The following KCNIP4 variants were observed in gnomAD, a reference collection of about 807,000 sequenced individuals.
KCNIP4 encodes the protein potassium voltage-gated channel interacting protein 4.
A neutral mutation model predicts 34.0 loss-of-function variants in KCNIP4; 12 were observed. The observed-to-expected ratio is 0.35, with a 90% CI of 0.23 to 0.57. The LOEUF (loss-of-function observed/expected upper bound fraction) is 0.57, where lower values mean the gene tolerates loss of function less well. Among genes scored for constraint, KCNIP4 ranks in the 20% least tolerant of loss-of-function variants. The pLI is 0.83. For synonymous variants in KCNIP4, 124 were observed against 102.2 expected (o/e 1.21, Z -1.29); for missense variants, 238 against 311.7 (o/e 0.76, Z 1.78).
intron 1 of KCNIP4, among the ~76,000 whole-genome samples, chr4:21,703,600 G>A (rs1713034216): frequency 6.6e-6 from 1 of 152,034 alleles, no homozygotes; most frequent in Non-Finnish European, 1.5e-5. Context: ...TGTTGTACTA[G>A]CAATGAACAT....
At chr4:21,624,986 A>G (rs1467688874) in intron 1 of KCNIP4, among the ~76,000 whole-genome samples, 2 of 152,198 alleles carry the variant, frequency 1.3e-5, no homozygotes, top group South Asian at 2.1e-4. Context: ...CTATGTTCAT[A>G]TTAGACATGG....
At chr4:21,157,113 A>T (rs9993061) in intron 1 of KCNIP4, among the ~76,000 whole-genome samples, 99,568 of 151,884 alleles carry the variant, frequency 0.66, 33,152 homozygotes, top group African/African-American at 0.77. Context: ...GCTTCGTTTT[A>T]CTCTCTGCAA....
At chr4:21,736,231 A>T (rs1560676018) in intron 1 of KCNIP4, among the ~76,000 whole-genome samples, 2 of 152,050 alleles carry the variant, frequency 1.3e-5, no homozygotes, top group Admixed American at 1.3e-4. Context: ...TTTGGGGGTT[A>T]CTCATCACTC....
chr4:21,519,530 GTGTATGTGTATATACACA>G (rs1735191720), intron 1 of KCNIP4, among the ~76,000 whole-genome samples: 1 of 38,340 alleles, frequency 2.6e-5, no homozygotes, highest in African/African-American at 1.2e-4. Context: ...ATGTGTGTAT[GTGTATGTGTATATACACA>G]TATGTGTGTA....
intron 1 of KCNIP4, among the ~76,000 whole-genome samples, chr4:21,010,111 T>C (rs866003593): frequency 3.9e-5 from 6 of 152,164 alleles, no homozygotes; most frequent in Non-Finnish European, 5.9e-5. Context: ...AGGTTAGGAC[T>C]TCAACAGTAG....
At chr4:21,523,045 G>A (rs550151732) in intron 1 of KCNIP4, among the ~76,000 whole-genome samples, 1 of 151,828 alleles carries the variant, frequency 6.6e-6, no homozygotes, top group Non-Finnish European at 1.5e-5. Context: ...AAAAAAAAAG[G>A]GGGGGACACT....
intron 1 of KCNIP4, among the ~76,000 whole-genome samples, chr4:21,324,995 T>C (rs1714889231): frequency 6.6e-6 from 1 of 151,926 alleles, no homozygotes; most frequent in East Asian, 1.9e-4. Flanking sequence ...TTCCTAGGTA[T>C]TTGATTTTAT....
At chr4:21,501,274 ATG>A (rs143197242) in intron 1 of KCNIP4, among the ~76,000 whole-genome samples, 2,900 of 148,424 alleles carry the variant, frequency 0.02, 91 homozygotes, top group East Asian at 0.12. Context: ...ACACACACAC[ATG>A]CCATGTCCTA....
intron 1 of KCNIP4, among the ~76,000 whole-genome samples, chr4:21,737,292 T>C (rs1253462149): frequency 2.0e-5 from 3 of 152,318 alleles, no homozygotes; most frequent in Non-Finnish European, 4.4e-5. Context: ...GTTTTTCTAG[T>C]ATTTCTCAAT....
At chr4:20,955,532 G>C (rs10011942) in intron 1 of KCNIP4, among the ~76,000 whole-genome samples, 132,082 of 152,100 alleles carry the variant, frequency 0.87, 57,485 homozygotes, top group Middle Eastern at 0.89. Context: ...CTGATTGATG[G>C]TGGGGCCACT....
chr4:20,749,431 A>T (rs1753159625), intron 5 of KCNIP4, among the ~76,000 whole-genome samples: 1 of 152,176 alleles, frequency 6.6e-6, no homozygotes, highest in Non-Finnish European at 1.5e-5. Flanking sequence ...GTAATTGAAG[A>T]AGTGGACTCT....
intron 1 of KCNIP4, among the ~76,000 whole-genome samples, chr4:21,700,319 G>A (rs967220998): frequency 3.9e-5 from 6 of 152,204 alleles, no homozygotes; most frequent in Non-Finnish European, 8.8e-5. Flanking sequence ...ATTTTAATTT[G>A]CATTTACCTG....
At chr4:21,401,802 G>A (rs891278747) in intron 1 of KCNIP4, among the ~76,000 whole-genome samples, 1 of 152,284 alleles carries the variant, frequency 6.6e-6, no homozygotes, top group Non-Finnish European at 1.5e-5. Flanking sequence ...CTTTCTCAAG[G>A]GAGGGCAAGT....
chr4:21,592,492 G>A (rs1742296811), intron 1 of KCNIP4, among the ~76,000 whole-genome samples: 1 of 152,016 alleles, frequency 6.6e-6, no homozygotes, highest in Non-Finnish European at 1.5e-5. Flanking sequence ...AAAAGACCTG[G>A]ATAATTTTGT....
At chr4:20,948,686 T>C (rs1732453232) in intron 1 of KCNIP4, among the ~76,000 whole-genome samples, 1 of 152,224 alleles carries the variant, frequency 6.6e-6, no homozygotes, top group African/African-American at 2.4e-5. Context: ...TAAAACCTGT[T>C]AGTCACCTTA....
chr4:21,070,185 G>A (rs891080279), intron 1 of KCNIP4, among the ~76,000 whole-genome samples: 8 of 152,098 alleles, frequency 5.3e-5, no homozygotes, highest in Non-Finnish European at 1.0e-4. Context: ...CATTTTTATT[G>A]TTGAGTAGAA....
chr4:21,034,967 G>A (rs983693316), intron 1 of KCNIP4, among the ~76,000 whole-genome samples: 2 of 152,186 alleles, frequency 1.3e-5, no homozygotes, highest in African/African-American at 4.8e-5. Flanking sequence ...GAGCCCAGAG[G>A]CAGATGCCTA....
chr4:21,948,231 G>A (rs1448619772), intron 1 of KCNIP4, among the ~76,000 whole-genome samples: 1 of 152,210 alleles, frequency 6.6e-6, no homozygotes, highest in Non-Finnish European at 1.5e-5. Flanking sequence ...GGAAGGAAGC[G>A]TGCGGTCTGG....
intron 1 of KCNIP4, among the ~76,000 whole-genome samples, chr4:21,669,279 C>T (rs569282608): frequency 1.3e-5 from 2 of 152,214 alleles, no homozygotes; most frequent in South Asian, 4.1e-4. Flanking sequence ...TGCGTGCCAA[C>T]GTAGAGACAG....
Sources: allele counts gnomAD v4.1 joint callset (sites outside exome capture counted in the v4.1 genomes callset), GRCh38; gene constraint gnomAD v4.1.1; transcripts MANE v1.5; gene names NCBI Gene and HGNC (gene_info 2026-07-23, HGNC 2026-07-21).